DENND2C: variants seen among roughly 807,000 people sequenced by gnomAD.
DENND2C encodes DENN domain-containing protein 2C.
A neutral mutation model predicts 112.4 loss-of-function variants in DENND2C; 72 were observed. That is an observed-to-expected ratio of 0.64 (90% CI 0.53 to 0.78). DENND2C has a LOEUF of 0.78. Among genes scored for constraint, DENND2C ranks in the 30% least tolerant of loss-of-function variants. DENND2C has a pLI of 0.00. For missense variants in DENND2C, 992 were observed against 1,113.8 expected, an observed-to-expected ratio of 0.89 and a Z score of 1.56; for synonymous variants, 329 against 381.6, an observed-to-expected ratio of 0.86 and a Z score of 1.61.
At chr1:114,616,460 T>A (rs1027601866) in intron 8 of DENND2C, among the ~76,000 whole-genome samples, 10 of 152,280 alleles carry the variant, frequency 6.6e-5, no homozygotes, top group African/African-American at 2.2e-4. Flanking sequence ...TCTCCTCTGC[T>A]ATGACTTAGC....
chr1:114,616,162 G>A (rs1245237458), intron 8 of DENND2C, among the ~76,000 whole-genome samples: 1 of 152,112 alleles, frequency 6.6e-6, no homozygotes, highest in Non-Finnish European at 1.5e-5. Context: ...GGCCCAGGCA[G>A]GTGGATCATT....
intron 1 of DENND2C, among the ~76,000 whole-genome samples, chr1:114,661,012 G>A (rs1265669445): frequency 6.6e-6 from 1 of 150,678 alleles, no homozygotes; most frequent in African/African-American, 2.4e-5. Flanking sequence ...TCAGGAGGTT[G>A]AGGCAGGAGA....
At chr1:114,642,100 T>C (rs1317908328) in intron 3 of DENND2C, among the ~76,000 whole-genome samples, 1 of 152,116 alleles carries the variant, frequency 6.6e-6, no homozygotes, top group Non-Finnish European at 1.5e-5. Context: ...TACAGGCATA[T>C]GCCACCACGC....
At chr1:114,618,582 C>T (rs1656068001) in intron 7 of DENND2C, 100 bp from the exon 8 acceptor site, 1 of 605,634 alleles carries the variant, frequency 1.7e-6, no homozygotes, top group African/African-American at 1.9e-5. Flanking sequence ...GAGAAAAGAC[C>T]TATTTTATAA....
At chr1:114,592,462 A>T (rs374774205) in intron 18 of DENND2C, among the ~76,000 whole-genome samples, 3 of 152,290 alleles carry the variant, frequency 2.0e-5, no homozygotes, top group Middle Eastern at 3.4e-3. Flanking sequence ...TCACCCATGT[A>T]ATCCCACGGC....
chr1:114,607,881 T>C (rs1655700866), intron 10 of DENND2C, among the ~76,000 whole-genome samples: 1 of 152,234 alleles, frequency 6.6e-6, no homozygotes, highest in Non-Finnish European at 1.5e-5. Context: ...CAGCTTACTA[T>C]ATGCCAGACA....
chr1:114,646,654 C>T (rs1257238991), intron 2 of DENND2C, among the ~76,000 whole-genome samples: 1 of 152,020 alleles, frequency 6.6e-6, no homozygotes, highest in African/African-American at 2.4e-5. Flanking sequence ...AAAGTCTGAT[C>T]CAGAGAAAGC....
chr1:114,616,397 GAAA>G (rs879864808), intron 8 of DENND2C, among the ~76,000 whole-genome samples: 2 of 119,510 alleles, frequency 1.7e-5, no homozygotes, highest in Non-Finnish European at 3.7e-5. Flanking sequence ...GTATCCAAAA[GAAA>G]AAAAAAAAAG....
In DENND2C at chr1:114,654,496, A is replaced by C. The variant is rs1361378492; in HGVS notation, c.-317+9T>G. The C allele has an allele frequency of 6.6e-6, 1 of 152,200 alleles. No individual in the cohort carries two copies. The highest frequency in any genetic ancestry group is 1.5e-5 in the Non-Finnish European group (1 of 68,030). The allele number at this position is 152,200 out of a possible 1,614,324, so 9.4% of individuals were successfully genotyped here. A position where few individuals can be genotyped will look rare whatever the true frequency, so the allele number is the denominator to read the frequency against. ...TTTATAGCATTTGTTTCAAAAGGAG[A>C]TAACTTACTTTTTAAAGATTCATCA... On this transcript the variant is annotated intron_variant, in intron 2 of 20. Transcript: ENST00000393274.
intron 1 of DENND2C, among the ~76,000 whole-genome samples, chr1:114,663,283 C>A (rs1287379574): frequency 6.6e-6 from 1 of 152,198 alleles, no homozygotes; most frequent in Non-Finnish European, 1.5e-5. Context: ...TCAATGTCCC[C>A]ACTTTCACTG....
intron 18 of DENND2C, among the ~76,000 whole-genome samples, chr1:114,589,706 A>C (rs1570751741): frequency 6.6e-6 from 1 of 150,984 alleles, no homozygotes; most frequent in Non-Finnish European, 1.5e-5. Flanking sequence ...CTACATCTTA[A>C]TTTCTTTCTT....
intron 1 of DENND2C, among the ~76,000 whole-genome samples, chr1:114,657,967 G>C (rs1208752952): frequency 6.6e-6 from 1 of 152,218 alleles, no homozygotes; most frequent in Non-Finnish European, 1.5e-5. Flanking sequence ...CATCTGCCAG[G>C]AAGAGGGACA....
rs531733533 is a variant in DENND2C at position 114,625,435 on chromosome 1, A to G, written c.550T>C (p.Ser184Pro). 1.2e-6 allele frequency: 2 copies of G among 1,614,132 alleles called. No individual in the cohort carries two copies. Among genetic ancestry groups the G allele is most frequent in the South Asian group, 2.2e-5 (2 of 91,078 alleles). ...KELNFRVLDS[S>P]YGITKSLENI... is the part of the protein sequence containing the mutation. Reference sequence around the variant, plus strand: ...TCTAAGCTCTTGGTTATTCCGTATGAACTATCCAGAACTCTGAAGTTCAGT... The same window carrying G: ...TCTAAGCTCTTGGTTATTCCGTATGGACTATCCAGAACTCTGAAGTTCAGT... Residue 184 changes from serine to proline, a missense_variant, in exon 4 of 21, where the codon TCA becomes CCA. This residue lies in a region of DENND2C where 470 missense variants were observed against 472.7 expected (regional missense o/e 0.99). Coordinates refer to ENST00000393274, the MANE Select transcript of DENND2C (RefSeq NM_001256404.2).
intron 7 of DENND2C, 27 bp from the exon 8 acceptor site, chr1:114,618,509 T>C (rs1406792652): frequency 1.4e-6 from 2 of 1,432,344 alleles, no homozygotes; most frequent in South Asian, 2.7e-5. Context: ...AAAATACAAA[T>C]TAAGACCAAC....
chr1:114,611,363 C>T (rs192810630), intron 8 of DENND2C, among the ~76,000 whole-genome samples: 38 of 151,372 alleles, frequency 2.5e-4, no homozygotes, highest in Non-Finnish European at 3.8e-4. Context: ...GCTCCCCTCT[C>T]ATCCCTAATT....
rs2101661633 is a variant in DENND2C at position 114,619,131 on chromosome 1, A to T, written c.1228-649T>A. Among the ~76,000 whole-genome samples the T allele has an allele frequency of 1.3e-5, 2 of 152,266 alleles. 1 individual carries two copies. Among genetic ancestry groups the T allele is most frequent in the South Asian group, 4.1e-4 (2 of 4,820 alleles). ...TTATATAATTGCTTCTCTCCATTTC[A>T]TAAGTATTACTCATTAGAAATTTTT... On this transcript the variant is annotated intron_variant, in intron 7 of 20. Coordinates refer to ENST00000393274, the MANE Select transcript of DENND2C (RefSeq NM_001256404.2).
At chr1:114,640,531 G>A (rs368991042) in intron 3 of DENND2C, among the ~76,000 whole-genome samples, 12 of 152,204 alleles carry the variant, frequency 7.9e-5, no homozygotes, top group African/African-American at 2.9e-4. Flanking sequence ...GTTTGTTTCA[G>A]AGGTGTGTGC....
At chr1:114,640,721 C>T (rs72687854) in intron 3 of DENND2C, among the ~76,000 whole-genome samples, 2 of 152,214 alleles carry the variant, frequency 1.3e-5, no homozygotes, top group Non-Finnish European at 2.9e-5. Flanking sequence ...TTCGGAAACC[C>T]GAAGGCTTTT....
intron 3 of DENND2C, among the ~76,000 whole-genome samples, chr1:114,642,505 T>C (rs1355575546): frequency 6.6e-6 from 1 of 152,210 alleles, no homozygotes; most frequent in Non-Finnish European, 1.5e-5. Context: ...TTAGTCCAAT[T>C]AACCCTTCTA....
Sources: allele counts gnomAD v4.1 joint callset (sites outside exome capture counted in the v4.1 genomes callset), GRCh38; gene constraint gnomAD v4.1.1; regional missense constraint gnomAD v4.1.1; transcripts MANE v1.5; gene names NCBI Gene and HGNC (gene_info 2026-07-23, HGNC 2026-07-21).